PTCHD4: variants seen among roughly 807,000 people sequenced by gnomAD.
PTCHD4 encodes patched domain containing 4, also known as patched domain-containing protein 4.
Under a neutral mutation model 58.1 loss-of-function variants are expected in PTCHD4, and 33 were observed. The ratio of observed to expected loss-of-function variants is 0.57; its 90% CI spans 0.43 to 0.76. PTCHD4 has a LOEUF of 0.76. Among genes scored for constraint, PTCHD4 ranks in the 30% least tolerant of loss-of-function variants. The probability of loss-of-function intolerance (pLI) is 0.00; values close to 1 mark genes in which losing one functional copy is unlikely to be tolerated. For synonymous variants in PTCHD4, 478 were observed against 409.6 expected (o/e 1.17, Z -2.02); for missense variants, 1,058 against 1,027.1 (o/e 1.03, Z -0.41).
chr6:48,048,834 C>A (rs887718548), intron 3 of PTCHD4, among the ~76,000 whole-genome samples: 2 of 151,918 alleles, frequency 1.3e-5, no homozygotes, highest in African/African-American at 4.8e-5. Flanking sequence ...AGAGTTTTTC[C>A]TCAGTGGAGA....
At chr6:47,951,537 A>G (rs1766651472) in intron 4 of PTCHD4, among the ~76,000 whole-genome samples, 1 of 152,204 alleles carries the variant, frequency 6.6e-6, no homozygotes, top group African/African-American at 2.4e-5. Context: ...ATTTGGCAGT[A>G]AGATCTGGAA....
At position 47,956,520 on chromosome 6, in the gene PTCHD4, A is replaced by C. The variant is rs1309164399; in HGVS notation, c.898+52114T>G. 3.3e-5 allele frequency among the ~76,000 whole-genome samples: 5 copies of C among 151,240 alleles called. No homozygotes were observed. In the East Asian group the frequency reaches 9.7e-4, roughly 29 times the overall value. ...ATGATCTCGGCTTACTGCAAGCTCC[A>C]CCTCCTGGGTTCACGCCATTCTCCT... is the stretch of plus-strand genomic sequence containing the variant. On this transcript the variant is annotated intron_variant, in intron 4 of 4. Coordinates refer to ENST00000339488, the MANE Select transcript of PTCHD4 (RefSeq NM_001384253.1).
chr6:47,992,339 A>T (rs1341218888), intron 4 of PTCHD4, among the ~76,000 whole-genome samples: 1 of 152,224 alleles, frequency 6.6e-6, no homozygotes, highest in African/African-American at 2.4e-5. Context: ...ACGTAATAAC[A>T]TATGTGGTGA....
chr6:47,895,830 T>A (rs1202677405), intron 4 of PTCHD4, among the ~76,000 whole-genome samples: 1 of 152,114 alleles, frequency 6.6e-6, no homozygotes, highest in African/African-American at 2.4e-5. Context: ...GATAGTAGCA[T>A]GGTATGTTCC....
At chr6:48,045,715 G>T (rs332581) in intron 3 of PTCHD4, among the ~76,000 whole-genome samples, 88,407 of 151,248 alleles carry the variant, frequency 0.58, 25,960 homozygotes, top group East Asian at 0.72. Context: ...ATATCACACA[G>T]CTATAAAGTA....
rs114929892 is a variant in PTCHD4 at position 47,938,850 on chromosome 6, C to T, written c.899-58914G>A. On this transcript the variant is annotated intron_variant, in intron 4 of 4. Transcript: ENST00000339488. The stretch of plus-strand genomic sequence containing the variant: ...CCAAGGGAGTGATTATAATAATTAA[C>T]AATGAAGTTTAAGCTACATAAGGAT... Among the ~76,000 whole-genome samples, 891 of 152,132 alleles carry T rather than the reference C, an allele frequency of 5.9e-3. 8 individuals are homozygous for T. The highest frequency in any genetic ancestry group is 0.02 in the African/African-American group (832 of 41,484).
chr6:48,008,148 T>A lies in PTCHD4; in HGVS notation c.898+486A>T, dbSNP rs575001205. The stretch of plus-strand genomic sequence containing the variant: ...ACAGAGGTAGGGGAATGGAGTATAC[T>A]CTGTGCAGAAACATTGAAATAAATT... On this transcript the variant is annotated intron_variant, in intron 4 of 4. Coordinates refer to ENST00000339488, the MANE Select transcript of PTCHD4 (RefSeq NM_001384253.1). Among the ~76,000 whole-genome samples, 3 of 152,310 alleles carry A rather than the reference T, an allele frequency of 2.0e-5. No homozygotes were observed. In the South Asian group the frequency reaches 6.2e-4, roughly 32 times the overall value.
At chr6:47,981,034 G>C (rs1767867314) in intron 4 of PTCHD4, among the ~76,000 whole-genome samples, 1 of 152,110 alleles carries the variant, frequency 6.6e-6, no homozygotes, top group African/African-American at 2.4e-5. Context: ...AAAGGGTCAT[G>C]TGTGCTGTAT....
At position 48,098,345 on chromosome 6, in the gene PTCHD4, T is replaced by TTCTTCTTC. The variant is rs1309210161; in HGVS notation, c.-970+12703_-970+12704insGAAGAAGA. Among the ~76,000 whole-genome samples, 308 of 134,586 alleles carry TTCTTCTTC rather than the reference T, an allele frequency of 2.3e-3. 2 individuals carry two copies. Among genetic ancestry groups the TTCTTCTTC allele is most frequent in the African/African-American group, 8.1e-3 (278 of 34,402 alleles). 88.3% of individuals were successfully genotyped at this position (134,586 alleles called of 152,430 possible). A position where few individuals can be genotyped will look rare whatever the true frequency, so the allele number is the denominator to read the frequency against. ...TCTTCTTCTTCTTCTTCTTCTTCTTTTTTTTTTTTTTGAGAGAGAGTCTCG... is the reference window on the plus strand; with the variant it reads ...TCTTCTTCTTCTTCTTCTTCTTCTTTTCTTCTTCTTTTTTTTTTTGAGAGAGAGTCTCG... On this transcript the variant is annotated intron_variant, in intron 1 of 4. Transcript: ENST00000339488.
In PTCHD4 at chr6:48,102,530, G is replaced by A. The variant is rs541192996; in HGVS notation, c.-970+8519C>T. Reference sequence around the variant, plus strand: ...ACAGCTCCAGTCTACAGTTCCCAGCGTGAGCGATGCAGAAGACGGGTGATT... The same window carrying A: ...ACAGCTCCAGTCTACAGTTCCCAGCATGAGCGATGCAGAAGACGGGTGATT... On this transcript the variant is annotated intron_variant, in intron 1 of 4. Transcript: ENST00000339488. Among the ~76,000 whole-genome samples, 8 of 152,318 alleles carry A rather than the reference G, an allele frequency of 5.3e-5. No homozygotes were observed. The South Asian group carries it at 6.2e-4, about 12-fold the overall frequency.
At chr6:48,049,934 G>C (rs978552550) in intron 3 of PTCHD4, among the ~76,000 whole-genome samples, 1 of 151,900 alleles carries the variant, frequency 6.6e-6, no homozygotes, top group African/African-American at 2.4e-5. Context: ...GTGGCAGAAA[G>C]ACCTCAATGT....
intron 1 of PTCHD4, among the ~76,000 whole-genome samples, chr6:48,089,065 A>G (rs943404437): frequency 1.3e-5 from 2 of 152,004 alleles, no homozygotes; most frequent in African/African-American, 4.8e-5. Flanking sequence ...TAAATAAATA[A>G]ATAGGAATGG....
At chr6:48,041,325 A>G (rs1296579373) in intron 3 of PTCHD4, among the ~76,000 whole-genome samples, 3 of 152,018 alleles carry the variant, frequency 2.0e-5, no homozygotes, top group East Asian at 1.9e-4. Context: ...TTAGTTCCCT[A>G]TCAAATAACC....
In PTCHD4 at chr6:48,068,450, T is replaced by A. The variant is rs1362791337; in HGVS notation, c.197A>T (p.Asp66Val). 2 of 1,613,700 alleles carry A rather than the reference T, an allele frequency of 1.2e-6. No homozygotes were observed. Among genetic ancestry groups the A allele is most frequent in the Non-Finnish European group, 1.7e-6 (2 of 1,179,824 alleles). The change falls in exon 3 of 5, where the codon GAC becomes GTC. Residue 66 changes from aspartate (D) to valine (V), a missense_variant. By Grantham distance (152) the Asp-to-Val change is radical (BLOSUM62 -3). Coordinates refer to ENST00000339488, the MANE Select transcript of PTCHD4 (RefSeq NM_001384253.1). This position sits in a 1 kb window ranked among gnomAD's most constrained non-coding sequence, Gnocchi z 4.2. ...SALNRFQPEGDLERLVAPSHS... is the reference protein window; with the variant it reads ...SALNRFQPEGVLERLVAPSHS... Reference sequence around the variant, plus strand: ...GCTGGGAGCGACCAGGCGCTCCAGGTCGCCCTCGGGCTGGAAGCGGTTGAG... The same window carrying A: ...GCTGGGAGCGACCAGGCGCTCCAGGACGCCCTCGGGCTGGAAGCGGTTGAG...
chr6:48,011,986 A>T (rs540865385), intron 3 of PTCHD4, among the ~76,000 whole-genome samples: 1 of 152,278 alleles, frequency 6.6e-6, no homozygotes, highest in Non-Finnish European at 1.5e-5. Context: ...CCTGTAGTAT[A>T]ATTTGAAGTC....
In PTCHD4 at chr6:47,961,261, G is replaced by T. The variant is rs142395167; in HGVS notation, c.898+47373C>A. Among the ~76,000 whole-genome samples the T allele has an allele frequency of 7.4e-3, 1,124 of 151,414 alleles. 12 individuals are homozygous for T. The highest frequency in any genetic ancestry group is 0.026 in the African/African-American group (1,062 of 41,334). On this transcript the variant is annotated intron_variant, in intron 4 of 4. Coordinates refer to ENST00000339488, the MANE Select transcript of PTCHD4 (RefSeq NM_001384253.1). ...TATACTTACAAAAGTGAAATTGTTT[G>T]TATTAATATTTAACAAAGTAAATTT...
intron 4 of PTCHD4, among the ~76,000 whole-genome samples, chr6:47,941,346 C>T (rs1766215292): frequency 6.6e-6 from 1 of 152,174 alleles, no homozygotes; most frequent in African/African-American, 2.4e-5. Flanking sequence ...TCGGCAACTC[C>T]TGACTTTCTG....
intron 1 of PTCHD4, among the ~76,000 whole-genome samples, chr6:48,099,686 G>A (rs1384441927): frequency 6.6e-6 from 1 of 152,216 alleles, no homozygotes; most frequent in African/African-American, 2.4e-5. Context: ...TATAGGGTCA[G>A]TCTGTCACTG....
chr6:47,990,999 G>A (rs188907764), intron 4 of PTCHD4, among the ~76,000 whole-genome samples: 309 of 152,084 alleles, frequency 2.0e-3, no homozygotes, highest in African/African-American at 7.1e-3. Context: ...ACAGAGACAA[G>A]GGGAAAATAC....
Sources: gnomAD v4.1 joint callset for allele counts (sites outside exome capture counted in the v4.1 genomes callset) on GRCh38, gnomAD v4.1.1 for gene constraint, Gnocchi (gnomAD v3.1) non-coding constraint, MANE v1.5 for transcripts, NCBI Gene and HGNC (gene_info 2026-07-23, HGNC 2026-07-21) for gene names.